The following NEDD4L variants were observed in gnomAD, a reference collection of about 807,000 sequenced individuals.
The protein encoded by NEDD4L is E3 ubiquitin-protein ligase NEDD4-like.
NEDD4L carries 54 observed loss-of-function variants against 148.9 expected under a neutral mutation model. The observed-to-expected ratio is 0.36, with a 90% CI of 0.29 to 0.45. The LOEUF is 0.45. Among genes scored for constraint, NEDD4L ranks in the 20% least tolerant of loss-of-function variants. NEDD4L has a pLI of 1.00. For synonymous variants in NEDD4L, 433 were observed against 440.7 expected (o/e 0.98, Z 0.22); for missense variants, 856 against 1,233.8 (o/e 0.69, Z 4.59).
At chr18:58,388,285 T>C (rs1049658979) in intron 27 of NEDD4L, 4 of 152,236 alleles carry the variant, frequency 2.6e-5, no homozygotes, top group Non-Finnish European at 4.4e-5. Context: ...TCTATACTTT[T>C]ATCTCAAAAC....
chr18:58,094,558 T>C (rs997652191), intron 1 of NEDD4L, among the ~76,000 whole-genome samples: 1 of 152,100 alleles, frequency 6.6e-6, no homozygotes, highest in Admixed American at 6.6e-5. Flanking sequence ...GGCATTCTTG[T>C]GCCTGACTGT....
At chr18:58,373,048 A>G in intron 23 of NEDD4L, 126 bp from the exon 24 acceptor site, 1 of 637,460 alleles carries the variant, frequency 1.6e-6, no homozygotes, top group Non-Finnish European at 2.9e-6. Flanking sequence ...AGCAGGAAAC[A>G]TTGCATTAGT....
intron 22 of NEDD4L, among the ~76,000 whole-genome samples, chr18:58,368,427 C>G (rs951944467): frequency 6.6e-6 from 1 of 152,164 alleles, no homozygotes; most frequent in African/African-American, 2.4e-5. Flanking sequence ...CTGGCGGTAT[C>G]TATAGGCTTA....
chr18:58,120,527 C>T (rs543003618), intron 1 of NEDD4L, among the ~76,000 whole-genome samples: 11 of 152,336 alleles, frequency 7.2e-5, no homozygotes, highest in African/African-American at 2.2e-4. Context: ...CGCCTGTAAT[C>T]CCAGCACGTT....
At chr18:58,195,667 A>G (rs1191245227) in intron 2 of NEDD4L, 2 of 1,351,794 alleles carry the variant, frequency 1.5e-6, no homozygotes, top group African/African-American at 3.0e-5. Context: ...GAAACAGACC[A>G]TCTGCATCTA....
At chr18:58,234,510 A>G (rs1394978044) in intron 2 of NEDD4L, among the ~76,000 whole-genome samples, 3 of 151,764 alleles carry the variant, frequency 2.0e-5, no homozygotes, top group African/African-American at 7.3e-5. Context: ...TTTAAAAAAA[A>G]AAATCGTAGA....
chr18:58,167,459 G>A (rs909320159), intron 2 of NEDD4L, among the ~76,000 whole-genome samples: 3 of 152,170 alleles, frequency 2.0e-5, no homozygotes, highest in African/African-American at 7.2e-5. Flanking sequence ...CTTATGCCCT[G>A]CCTTTCCATG....
intron 1 of NEDD4L, among the ~76,000 whole-genome samples, chr18:58,095,254 A>G (rs1272307515): frequency 6.6e-6 from 1 of 152,178 alleles, no homozygotes; most frequent in Admixed American, 6.5e-5. Context: ...AGGGCCATGG[A>G]GGCAGGCAAA....
chr18:58,062,487 G>A (rs2082377519), intron 1 of NEDD4L, among the ~76,000 whole-genome samples: 1 of 152,144 alleles, frequency 6.6e-6, no homozygotes, highest in South Asian at 2.1e-4. Flanking sequence ...TTTTAATTAT[G>A]GCACAGATTA....
At chr18:58,160,391 A>G (rs756028228) in intron 1 of NEDD4L, among the ~76,000 whole-genome samples, 4 of 152,268 alleles carry the variant, frequency 2.6e-5, no homozygotes, top group Non-Finnish European at 5.9e-5. Context: ...AAAGAAAAAC[A>G]TATGTAAAGC....
rs9948817 is a variant in NEDD4L at position 58,340,664 on chromosome 18, C to T, written c.1126-374C>T. The stretch of plus-strand genomic sequence containing the variant: ...AGAGCATCCCTCTCATACACAGTGA[C>T]ACTGGACAGTTTGAAATACCTTTAA... On this transcript the variant is annotated intron_variant, in intron 13 of 30. Transcript: ENST00000400345. 5.4e-3 allele frequency among the ~76,000 whole-genome samples: 826 copies of T among 152,346 alleles called. 6 individuals carry two copies. Among genetic ancestry groups the T allele is most frequent in the African/African-American group, 0.019 (787 of 41,578 alleles).
At chr18:58,149,557 C>T (rs1287700285) in intron 1 of NEDD4L, 1 of 1,546,512 alleles carries the variant, frequency 6.5e-7, no homozygotes, top group Non-Finnish European at 8.8e-7. Context: ...CGCATTTGAG[C>T]AGGTAACACT....
intron 5 of NEDD4L, among the ~76,000 whole-genome samples, chr18:58,271,051 G>A (rs986953221): frequency 6.6e-6 from 1 of 152,068 alleles, no homozygotes; most frequent in Non-Finnish European, 1.5e-5. Flanking sequence ...GTTTAGCCTA[G>A]TGCTCGGCAC....
chr18:58,335,600 G>A (rs2041641615), intron 13 of NEDD4L, 63 bp downstream of exon 13: 12 of 1,224,412 alleles, frequency 9.8e-6, no homozygotes, highest in African/African-American at 1.5e-5. Flanking sequence ...AATATTTCGT[G>A]TAGTGGTGAA....
intron 28 of NEDD4L, 58 bp downstream of exon 28, chr18:58,389,250 G>A (rs1475948061): frequency 6.4e-6 from 8 of 1,257,782 alleles, no homozygotes; most frequent in East Asian, 2.4e-5. Context: ...ATTGAGGGCT[G>A]TGTGGCGCCC....
intron 1 of NEDD4L, among the ~76,000 whole-genome samples, chr18:58,047,757 T>C (rs573558404): frequency 1.1e-4 from 17 of 152,338 alleles, no homozygotes; most frequent in African/African-American, 3.6e-4. Flanking sequence ...TCAGAACACT[T>C]TGGACTAGTT....
intron 18 of NEDD4L, among the ~76,000 whole-genome samples, chr18:58,356,158 A>G (rs148624331): frequency 7.3e-5 from 11 of 151,444 alleles, no homozygotes; most frequent in African/African-American, 2.7e-4. Flanking sequence ...GGTCCTCACT[A>G]TGTTTCCCAG....
At chr18:58,227,506 G>C (rs117541402) in intron 2 of NEDD4L, among the ~76,000 whole-genome samples, 1 of 152,086 alleles carries the variant, frequency 6.6e-6, no homozygotes, top group Non-Finnish European at 1.5e-5. Context: ...AATGGAATTC[G>C]CTGGGTGATT....
chr18:58,109,777 C>T (rs1442120608), intron 1 of NEDD4L, among the ~76,000 whole-genome samples: 1 of 151,998 alleles, frequency 6.6e-6, no homozygotes, highest in Non-Finnish European at 1.5e-5. Context: ...GCCATGTTGG[C>T]CAGGCTGGTC....
Sources: gnomAD v4.1 joint callset for allele counts (sites outside exome capture counted in the v4.1 genomes callset) on GRCh38, gnomAD v4.1.1 for gene constraint, MANE v1.5 for transcripts, NCBI Gene and HGNC (gene_info 2026-07-23, HGNC 2026-07-21) for gene names.